Variants in CNTN3 observed in about 807,000 individuals in gnomAD.
The protein encoded by CNTN3 is contactin-3.
Under a neutral mutation model 119.1 loss-of-function variants are expected in CNTN3, and 60 were observed. The observed-to-expected ratio is 0.50, with a 90% CI of 0.41 to 0.62. CNTN3 has a LOEUF of 0.62. CNTN3 is among the 20% of genes least tolerant of loss of function. CNTN3 has a pLI of 0.00. For synonymous variants in CNTN3, 450 were observed against 438.7 expected, an observed-to-expected ratio of 1.03 and a Z score of -0.32; for missense variants, 1,101 against 1,242.4, an observed-to-expected ratio of 0.89 and a Z score of 1.71.
chr3:74,465,176 A>G (rs945235608), intron 4 of CNTN3, among the ~76,000 whole-genome samples: 9 of 152,188 alleles, frequency 5.9e-5, no homozygotes, highest in Non-Finnish European at 5.9e-5. Context: ...TTAACTTATA[A>G]AAGTGGCTGG....
At chr3:74,438,298 C>CACACAGAGTGTGCAAAGAGTCTA (rs1301193405) in intron 4 of CNTN3, among the ~76,000 whole-genome samples, 3 of 152,086 alleles carry the variant, frequency 2.0e-5, no homozygotes, top group African/African-American at 7.2e-5. Context: ...TGATTTTGCA[C>CACACAGAGTGTGCAAAGAGTCTA]AAATTTCTTA....
chr3:74,452,326 T>A (rs1702174570), intron 4 of CNTN3, among the ~76,000 whole-genome samples: 1 of 120,956 alleles, frequency 8.3e-6, no homozygotes, highest in African/African-American at 3.4e-5. Flanking sequence ...TGTCTGTTAT[T>A]GGTGTATAAG....
chr3:74,441,835 T>C (rs1328479092), intron 4 of CNTN3, among the ~76,000 whole-genome samples: 1 of 152,138 alleles, frequency 6.6e-6, no homozygotes, highest in East Asian at 1.9e-4. Context: ...GCCTATAAAA[T>C]AAATTATCTT....
chr3:74,280,074 G>C (rs1701971638), intron 20 of CNTN3, among the ~76,000 whole-genome samples: 1 of 151,962 alleles, frequency 6.6e-6, no homozygotes, highest in African/African-American at 2.4e-5. Flanking sequence ...CATTCTTCCT[G>C]ATGTGCTTAT....
intron 1 of CNTN3, among the ~76,000 whole-genome samples, chr3:74,586,425 T>C (rs957781800): frequency 2.0e-5 from 3 of 152,148 alleles, no homozygotes; most frequent in African/African-American, 7.2e-5. Context: ...CTTCTCTGTC[T>C]TTTAACCTGC....
chr3:74,447,683 CA>C (rs746308589), intron 4 of CNTN3, among the ~76,000 whole-genome samples: 2 of 152,036 alleles, frequency 1.3e-5, no homozygotes, highest in Non-Finnish European at 2.9e-5. Flanking sequence ...GTCCTATTTT[CA>C]AGTTTAAGAT....
rs577648681 is a variant in CNTN3 at position 74,580,550 on chromosome 3, G to A, written c.-81+33841C>T. Among the ~76,000 whole-genome samples, 12 of 152,034 alleles carry A rather than the reference G, an allele frequency of 7.9e-5. No homozygotes were observed. In the South Asian group the frequency reaches 1.9e-3, roughly 24 times the overall value. Reference sequence around the variant, plus strand: ...AAACACATTCGTATATTTTAAAAACGCAGTTGTCCCAGAATACAAAATTGG... The same window carrying A: ...AAACACATTCGTATATTTTAAAAACACAGTTGTCCCAGAATACAAAATTGG... On this transcript the variant is annotated intron_variant, in intron 1 of 22. Coordinates refer to ENST00000263665, the MANE Select transcript of CNTN3 (RefSeq NM_020872.3).
intron 1 of CNTN3, among the ~76,000 whole-genome samples, chr3:74,576,784 G>GT (rs1553682958): frequency 2.0e-5 from 3 of 151,598 alleles, no homozygotes; most frequent in Non-Finnish European, 4.4e-5. Context: ...CCTACATACT[G>GT]TTTTTTTACT....
chr3:74,539,282 G>A (rs547885982), intron 1 of CNTN3, among the ~76,000 whole-genome samples: 1 of 152,226 alleles, frequency 6.6e-6, no homozygotes, highest in Non-Finnish European at 1.5e-5. Context: ...TTGGTGCTAA[G>A]AAATGTTTCT....
intron 1 of CNTN3, among the ~76,000 whole-genome samples, chr3:74,612,498 T>C (rs1705099625): frequency 6.6e-6 from 1 of 152,200 alleles, no homozygotes; most frequent in African/African-American, 2.4e-5. Context: ...CGGGCTGACA[T>C]TAATGACATC....
chr3:74,265,553 T>C (rs866477), intron 22 of CNTN3, among the ~76,000 whole-genome samples: 1,865 of 152,268 alleles, frequency 0.012, 35 homozygotes, highest in South Asian at 0.06. Context: ...CAGAACTTAG[T>C]TCTGCAATAA....
At chr3:74,385,252 T>A (rs1704719274) in intron 5 of CNTN3, among the ~76,000 whole-genome samples, 1 of 152,166 alleles carries the variant, frequency 6.6e-6, no homozygotes. Flanking sequence ...TTGGCCATCA[T>A]CCCCTAGGGT....
At chr3:74,418,171 A>T (rs1048286908) in intron 5 of CNTN3, among the ~76,000 whole-genome samples, 1 of 151,984 alleles carries the variant, frequency 6.6e-6, no homozygotes, top group Non-Finnish European at 1.5e-5. Context: ...ATGTGATGGG[A>T]GCCAGAAAGC....
intron 4 of CNTN3, among the ~76,000 whole-genome samples, chr3:74,454,087 ATCTG>A (rs1575741756): frequency 7.9e-6 from 1 of 126,694 alleles, no homozygotes; most frequent in Admixed American, 8.5e-5. Flanking sequence ...TGTCTCGTTG[ATCTG>A]TCTAATGTTG....
chr3:74,383,529 AGGCAGGAGTGTGAT>A (rs1264713959), intron 5 of CNTN3, among the ~76,000 whole-genome samples: 3 of 152,158 alleles, frequency 2.0e-5, no homozygotes, highest in African/African-American at 7.2e-5. Flanking sequence ...TCTGTTGCCC[AGGCAGGAGTGTGAT>A]GGCAAGATCA....
At chr3:74,387,162 C>A (rs1418114520) in intron 5 of CNTN3, among the ~76,000 whole-genome samples, 1 of 152,138 alleles carries the variant, frequency 6.6e-6, no homozygotes, top group East Asian at 1.9e-4. Flanking sequence ...GTGGAAGCTG[C>A]TTTTTAATAG....
chr3:74,316,767 T>C (rs1216929432), intron 13 of CNTN3, among the ~76,000 whole-genome samples: 1 of 151,464 alleles, frequency 6.6e-6, no homozygotes, highest in Non-Finnish European at 1.5e-5. Context: ...CTACAAAAAA[T>C]ACAAAAAAAA....
intron 16 of CNTN3, among the ~76,000 whole-genome samples, chr3:74,300,321 C>T (rs1041463167): frequency 3.9e-5 from 6 of 152,136 alleles, no homozygotes; most frequent in African/African-American, 1.4e-4. Flanking sequence ...CTGAGAACAA[C>T]ATTGGCTATA....
At chr3:74,399,606 A>G (rs753578999) in intron 5 of CNTN3, among the ~76,000 whole-genome samples, 2 of 152,094 alleles carry the variant, frequency 1.3e-5, no homozygotes, top group Non-Finnish European at 2.9e-5. Context: ...GAACTTATGC[A>G]TGCATGTGTC....
Sources: gnomAD v4.1 joint callset for allele counts (sites outside exome capture counted in the v4.1 genomes callset) on GRCh38, gnomAD v4.1.1 for gene constraint, MANE v1.5 for transcripts, NCBI Gene and HGNC (gene_info 2026-07-23, HGNC 2026-07-21) for gene names.